NAALADL2: variants seen among roughly 807,000 people sequenced by gnomAD.
NAALADL2 encodes N-acetylated alpha-linked acidic dipeptidase like 2.
Under a neutral mutation model 87.2 loss-of-function variants are expected in NAALADL2, and 76 were observed. The observed-to-expected ratio is 0.87, with a 90% CI of 0.72 to 1.05. The LOEUF (loss-of-function observed/expected upper bound fraction) is 1.05, where lower values mean the gene tolerates loss of function less well. Ranked by LOEUF, NAALADL2 falls within the 50% of genes least tolerant of loss-of-function variation. The probability of loss-of-function intolerance (pLI) is 0.00; values close to 1 mark genes in which losing one functional copy is unlikely to be tolerated. For synonymous variants in NAALADL2, 354 were observed against 331.0 expected (o/e 1.07, Z -0.75); for missense variants, 1,089 against 945.8 (o/e 1.15, Z -1.99).
chr3:174,606,991 A>T (rs1719152754), intron 2 of NAALADL2, among the ~76,000 whole-genome samples: 1 of 152,210 alleles, frequency 6.6e-6, no homozygotes, highest in South Asian at 2.1e-4. Flanking sequence ...TACAAGCCAG[A>T]AGAGAGTGGG....
At chr3:175,368,629 G>A (rs554332549) in intron 5 of NAALADL2, among the ~76,000 whole-genome samples, 11 of 150,924 alleles carry the variant, frequency 7.3e-5, no homozygotes, top group Admixed American at 5.3e-4. Context: ...TAGCAAATAC[G>A]TTCATGTGCC....
chr3:175,507,320 G>C (rs1456535402), intron 9 of NAALADL2, among the ~76,000 whole-genome samples: 2 of 152,038 alleles, frequency 1.3e-5, no homozygotes, highest in African/African-American at 2.4e-5. Context: ...CATTGGAAAA[G>C]GTCAGTGGGG....
At chr3:175,228,009 G>T (rs563151923) in intron 2 of NAALADL2, among the ~76,000 whole-genome samples, 1 of 152,024 alleles carries the variant, frequency 6.6e-6, no homozygotes, top group Admixed American at 6.6e-5. Context: ...TGTTTATGAA[G>T]AAATCATATT....
chr3:174,607,295 G>T (rs1270655906), intron 2 of NAALADL2, among the ~76,000 whole-genome samples: 2 of 151,600 alleles, frequency 1.3e-5, no homozygotes, highest in African/African-American at 4.9e-5. Flanking sequence ...CATAATGACA[G>T]GATCAAATTC....
rs531323197 is a variant in NAALADL2 at position 175,074,569 on chromosome 3, T to C, written c.44-22221T>C. Among the ~76,000 whole-genome samples the C allele has an allele frequency of 5.4e-4, 82 of 152,184 alleles. 1 individual carries two copies. The South Asian group carries it at 0.016, about 29-fold the overall frequency. On this transcript the variant is annotated intron_variant, in intron 1 of 13. Transcript: ENST00000454872. ...CGAGTATTATTTATTCAAAAAAAAA[T>C]TGTGGTTTGAACATTCCCTAGATAC... is the stretch of plus-strand genomic sequence containing the variant.
chr3:174,894,308 A>G (rs1731224033), intron 1 of NAALADL2, among the ~76,000 whole-genome samples: 1 of 152,114 alleles, frequency 6.6e-6, no homozygotes. Flanking sequence ...ATAGAAAATC[A>G]GGCCGGGCAC....
chr3:175,281,119 AATATAT>A (rs201634376), intron 4 of NAALADL2, among the ~76,000 whole-genome samples: 1 of 149,316 alleles, frequency 6.7e-6, no homozygotes, highest in Non-Finnish European at 1.5e-5. Context: ...ACTTAAAAAA[AATATAT>A]ATATATATAA....
intron 3 of NAALADL2, among the ~76,000 whole-genome samples, chr3:175,247,973 C>T (rs565661435): frequency 1.3e-4 from 20 of 152,338 alleles, no homozygotes; most frequent in African/African-American, 4.8e-4. Context: ...AGTTCATTTA[C>T]TAACCCAAGG....
chr3:175,600,966 C>A (rs78414764), intron 10 of NAALADL2, among the ~76,000 whole-genome samples: 4,014 of 152,226 alleles, frequency 0.026, 178 homozygotes, highest in African/African-American at 0.091. Context: ...GATTTTAAAG[C>A]AAATGTCTTT....
chr3:174,788,060 T>C (rs1225299818), intron 3 of NAALADL2, among the ~76,000 whole-genome samples: 2 of 152,124 alleles, frequency 1.3e-5, no homozygotes, highest in Non-Finnish European at 2.9e-5. Context: ...ATAAATATCC[T>C]TGATGTTCTC....
At position 174,979,804 on chromosome 3, in the gene NAALADL2, A is replaced by G. The variant is rs554873976; in HGVS notation, c.44-116986A>G. Among the ~76,000 whole-genome samples the G allele has an allele frequency of 3.9e-5, 6 of 152,342 alleles. No homozygotes were observed. The South Asian group carries it at 1.2e-3, about 32-fold the overall frequency. ...AAAAATGCTTCTCTTACTATTAAATAGAAATATTTCTGGCATTTGGGATTC... is the reference window on the plus strand; with the variant it reads ...AAAAATGCTTCTCTTACTATTAAATGGAAATATTTCTGGCATTTGGGATTC... On this transcript the variant is annotated intron_variant, in intron 1 of 13. Coordinates refer to ENST00000454872, the MANE Select transcript of NAALADL2 (RefSeq NM_207015.3).
At chr3:174,605,897 C>A (rs1186652817) in intron 2 of NAALADL2, among the ~76,000 whole-genome samples, 1 of 151,920 alleles carries the variant, frequency 6.6e-6, no homozygotes, top group Non-Finnish European at 1.5e-5. Context: ...GATCCCCGAG[C>A]AGCCTAACTG....
rs576099241 is a variant in NAALADL2 at position 175,109,804 on chromosome 3, GTCA to G, written c.545+12518_545+12520del. 5.3e-5 allele frequency among the ~76,000 whole-genome samples: 8 copies of G among 151,780 alleles called. No individual in the cohort carries two copies. The South Asian group carries it at 1.7e-3, about 32-fold the overall frequency. On this transcript the variant is annotated intron_variant, in intron 2 of 13. Coordinates refer to ENST00000454872, the MANE Select transcript of NAALADL2 (RefSeq NM_207015.3). ...TTCTTTACTAATTTATTTGGTTTTG[GTCA>G]TCATATTTACAAACAATAACAAAAC...
chr3:175,646,488 A>G (rs1400568752), intron 11 of NAALADL2, among the ~76,000 whole-genome samples: 5 of 152,026 alleles, frequency 3.3e-5, no homozygotes, highest in African/African-American at 1.2e-4. Flanking sequence ...AAGCCTCTGC[A>G]TGTAGTCATT....
At chr3:175,560,141 T>C (rs535012864) in intron 9 of NAALADL2, among the ~76,000 whole-genome samples, 3 of 152,182 alleles carry the variant, frequency 2.0e-5, no homozygotes, top group African/African-American at 7.2e-5. Flanking sequence ...GTTTTTGAAT[T>C]TCTTCATGAT....
intron 1 of NAALADL2, among the ~76,000 whole-genome samples, chr3:175,091,620 A>G (rs1287030282): frequency 6.6e-6 from 1 of 152,052 alleles, no homozygotes; most frequent in Admixed American, 6.6e-5. Flanking sequence ...GAATCAAGTC[A>G]AACTTCTTTG....
intron 3 of NAALADL2, among the ~76,000 whole-genome samples, chr3:174,769,342 T>C (rs1299580094): frequency 6.6e-6 from 1 of 152,070 alleles, no homozygotes; most frequent in African/African-American, 2.4e-5. Context: ...TGATAAAGGT[T>C]AAATCTTAGT....
At chr3:175,439,172 G>A (rs541417652) in intron 5 of NAALADL2, among the ~76,000 whole-genome samples, 1 of 152,212 alleles carries the variant, frequency 6.6e-6, no homozygotes, top group South Asian at 2.1e-4. Flanking sequence ...TGCTGCAAAT[G>A]CCATTATTGT....
chr3:174,907,288 G>T (rs1448522984), intron 1 of NAALADL2, among the ~76,000 whole-genome samples: 4 of 152,136 alleles, frequency 2.6e-5, no homozygotes, highest in Non-Finnish European at 4.4e-5. Context: ...AGAAAAAAAA[G>T]ATACAGCAAA....
Sources: allele counts gnomAD v4.1 joint callset (sites outside exome capture counted in the v4.1 genomes callset), GRCh38; gene constraint gnomAD v4.1.1; transcripts MANE v1.5; gene names NCBI Gene and HGNC (gene_info 2026-07-23, HGNC 2026-07-21).